The following NTNG1 variants were observed in gnomAD, a reference collection of about 807,000 sequenced individuals.
The protein encoded by NTNG1 is netrin G1.
NTNG1 carries 16 observed loss-of-function variants against 54.0 expected under a neutral mutation model. The observed-to-expected ratio is 0.30, with a 90% CI of 0.20 to 0.45. The LOEUF (loss-of-function observed/expected upper bound fraction) is 0.45. NTNG1 is among the 20% of genes least tolerant of loss of function. The pLI, the probability that NTNG1 is intolerant of heterozygous loss-of-function variation, is 1.00. For synonymous variants in NTNG1, 255 were observed against 263.1 expected (o/e 0.97, Z 0.30); for missense variants, 530 against 678.7 (o/e 0.78, Z 2.43).
At chr1:107,289,982 A>G (rs1665475727) in intron 2 of NTNG1, among the ~76,000 whole-genome samples, 1 of 152,188 alleles carries the variant, frequency 6.6e-6, no homozygotes, top group South Asian at 2.1e-4. Context: ...CCACTGAAAG[A>G]GTATTGACCT....
At chr1:107,395,934 A>G (rs1557963529) in intron 4 of NTNG1, among the ~76,000 whole-genome samples, 1 of 152,168 alleles carries the variant, frequency 6.6e-6, no homozygotes, top group African/African-American at 2.4e-5. Context: ...TTAAGAAAAA[A>G]GATTTTTCTA....
At chr1:107,142,162 A>C (rs1028535391) in intron 1 of NTNG1, among the ~76,000 whole-genome samples, 2 of 152,184 alleles carry the variant, frequency 1.3e-5, no homozygotes, top group African/African-American at 4.8e-5. Context: ...TCCTGTATGG[A>C]TCTGTGGATA....
At chr1:107,227,796 A>G (rs986390082) in intron 2 of NTNG1, among the ~76,000 whole-genome samples, 3 of 152,050 alleles carry the variant, frequency 2.0e-5, no homozygotes, top group Admixed American at 1.3e-4. Context: ...TTGACTTCTT[A>G]GATATACTTG....
chr1:107,309,406 A>G (rs1016305125), intron 2 of NTNG1, among the ~76,000 whole-genome samples: 3 of 152,230 alleles, frequency 2.0e-5, no homozygotes, highest in African/African-American at 4.8e-5. Flanking sequence ...GCATTTAATT[A>G]GAAGACATAC....
chr1:107,409,356 A>C (rs1175751069), intron 5 of NTNG1: 1 of 152,270 alleles, frequency 6.6e-6, no homozygotes, highest in African/African-American at 2.4e-5. Flanking sequence ...TGGATGGAAA[A>C]GTAGTTCTTT....
intron 2 of NTNG1, among the ~76,000 whole-genome samples, chr1:107,209,026 A>G (rs1263968985): frequency 6.6e-6 from 1 of 152,002 alleles, no homozygotes; most frequent in African/African-American, 2.4e-5. Context: ...TTTTGTGTTC[A>G]TGAGCTTCTT....
At chr1:107,478,832 C>T (rs1167603062) in intron 7 of NTNG1, among the ~76,000 whole-genome samples, 1 of 152,234 alleles carries the variant, frequency 6.6e-6, no homozygotes, top group Admixed American at 6.5e-5. Context: ...TCCAAATTAA[C>T]TAAAGCCAAA....
At chr1:107,148,942 T>A in intron 2 of NTNG1, 103 bp downstream of exon 2, 1 of 1,183,070 alleles carries the variant, frequency 8.5e-7, no homozygotes, top group South Asian at 1.4e-5. Flanking sequence ...ATAAGTTGAA[T>A]CTGCAGGTGG....
chr1:107,260,980 G>T (rs1468313294), intron 2 of NTNG1: 1 of 152,258 alleles, frequency 6.6e-6, no homozygotes, highest in East Asian at 1.9e-4. Context: ...CAAGGAAAAG[G>T]ATCTAGAGAT....
chr1:107,281,127 C>A (rs966237797), intron 2 of NTNG1, among the ~76,000 whole-genome samples: 7 of 152,118 alleles, frequency 4.6e-5, no homozygotes, highest in African/African-American at 1.4e-4. Flanking sequence ...GACTGCATTT[C>A]TGTTGACCTA....
chr1:107,244,566 T>C (rs1662063487), intron 2 of NTNG1, among the ~76,000 whole-genome samples: 1 of 152,228 alleles, frequency 6.6e-6, no homozygotes, highest in African/African-American at 2.4e-5. Flanking sequence ...TATTTCTGTT[T>C]TCAGTTTATC....
intron 2 of NTNG1, among the ~76,000 whole-genome samples, chr1:107,320,932 G>T (rs934084359): frequency 2.6e-5 from 4 of 151,984 alleles, no homozygotes; most frequent in African/African-American, 9.7e-5. Context: ...TCAATAAATT[G>T]TTATGCTGCT....
At chr1:107,227,560 G>A (rs547734383) in intron 2 of NTNG1, among the ~76,000 whole-genome samples, 2 of 152,100 alleles carry the variant, frequency 1.3e-5, no homozygotes, top group African/African-American at 4.8e-5. Context: ...TACTAGGTTC[G>A]CAGGCATCCA....
chr1:107,444,435 A>C (rs1181708709), intron 7 of NTNG1, among the ~76,000 whole-genome samples: 1 of 152,084 alleles, frequency 6.6e-6, no homozygotes, highest in Admixed American at 6.6e-5. Context: ...TCATATCCTA[A>C]ATACATTCAA....
intron 5 of NTNG1, among the ~76,000 whole-genome samples, chr1:107,429,759 G>A (rs1270883369): frequency 6.6e-6 from 1 of 152,102 alleles, no homozygotes; most frequent in East Asian, 1.9e-4. Flanking sequence ...ACACTTTTGT[G>A]ATAATTATTT....
At chr1:107,437,960 A>G (rs1675712071) in intron 7 of NTNG1, among the ~76,000 whole-genome samples, 1 of 152,194 alleles carries the variant, frequency 6.6e-6, no homozygotes, top group Non-Finnish European at 1.5e-5. Flanking sequence ...CATGCAGGAA[A>G]CATCTAAAGC....
At chr1:107,463,733 G>A (rs572383990) in intron 7 of NTNG1, among the ~76,000 whole-genome samples, 195 of 152,034 alleles carry the variant, frequency 1.3e-3, no homozygotes, top group African/African-American at 4.6e-3. Flanking sequence ...TTACTCACCA[G>A]TCTATATAAG....
chr1:107,290,992 C>CACAT (rs1250599248), intron 2 of NTNG1, among the ~76,000 whole-genome samples: 46 of 144,022 alleles, frequency 3.2e-4, no homozygotes, highest in African/African-American at 1.1e-3. Flanking sequence ...TATACACACA[C>CACAT]ACATACATAC....
At chr1:107,154,071 T>C (rs1266883279) in intron 2 of NTNG1, among the ~76,000 whole-genome samples, 1 of 152,100 alleles carries the variant, frequency 6.6e-6, no homozygotes, top group Non-Finnish European at 1.5e-5. Context: ...GTGGTGGAGA[T>C]AACTAATGTC....
Sources: gnomAD v4.1 joint callset for allele counts (sites outside exome capture counted in the v4.1 genomes callset) on GRCh38, gnomAD v4.1.1 for gene constraint, MANE v1.5 for transcripts, NCBI Gene and HGNC (gene_info 2026-07-23, HGNC 2026-07-21) for gene names.